The following LPP variants were observed in gnomAD, a reference collection of about 807,000 sequenced individuals.
LPP encodes the protein LIM domain containing preferred translocation partner in lipoma.
LPP carries 38 observed loss-of-function variants against 60.4 expected under a neutral mutation model. The ratio of observed to expected loss-of-function variants is 0.63; its 90% CI spans 0.49 to 0.83. The LOEUF (loss-of-function observed/expected upper bound fraction) is 0.83. LPP is among the 40% of genes least tolerant of loss of function. LPP has a pLI of 0.00. For missense variants in LPP, 902 were observed against 783.6 expected (o/e 1.15, Z -1.80); for synonymous variants, 328 against 290.8 (o/e 1.13, Z -1.30).
intron 6 of LPP, among the ~76,000 whole-genome samples, chr3:188,592,459 A>G (rs1458832388): frequency 6.6e-6 from 1 of 151,920 alleles, no homozygotes; most frequent in Non-Finnish European, 1.5e-5. Flanking sequence ...AGTTGTTATC[A>G]CTAAAGTTTT....
chr3:188,504,037 C>A (rs1040138267), intron 5 of LPP, among the ~76,000 whole-genome samples: 2 of 150,858 alleles, frequency 1.3e-5, no homozygotes, highest in Non-Finnish European at 3.0e-5. Context: ...CCTGCCTTTT[C>A]TCTCTGTCTC....
intron 3 of LPP, among the ~76,000 whole-genome samples, chr3:188,346,598 T>C (rs2150738355): frequency 6.6e-6 from 1 of 152,260 alleles, no homozygotes; most frequent in Middle Eastern, 3.4e-3. Flanking sequence ...TGTGTGTATG[T>C]GCGTGCACAC....
At chr3:188,197,288 A>G (rs149140421) in intron 1 of LPP, among the ~76,000 whole-genome samples, 1 of 152,234 alleles carries the variant, frequency 6.6e-6, no homozygotes, top group Non-Finnish European at 1.5e-5. Flanking sequence ...ACTGAAGGAT[A>G]TTGAATAGGC....
chr3:188,362,507 T>TACATCCCCTTC (rs1769763551), intron 3 of LPP, among the ~76,000 whole-genome samples: 2 of 152,214 alleles, frequency 1.3e-5, no homozygotes, highest in African/African-American at 4.8e-5. Context: ...TCTTGTTTCC[T>TACATCCCCTTC]GATACTTTTA....
At position 188,445,004 on chromosome 3, in the gene LPP, T is replaced by C. The variant is rs149189393; in HGVS notation, c.193+38691T>C. Among the ~76,000 whole-genome samples the C allele has an allele frequency of 2.4e-3, 360 of 152,248 alleles. 1 individual carries two copies. Among genetic ancestry groups the C allele is most frequent in the African/African-American group, 7.5e-3 (313 of 41,548 alleles). On this transcript the variant is annotated intron_variant, in intron 4 of 11. Coordinates refer to ENST00000617246, the MANE Select transcript of LPP (RefSeq NM_001375462.1). ...AGGAAACAACAGATGCTGGAGAGGATGTGGAGAAATAAGAATGCTTTTACA... is the reference window on the plus strand; with the variant it reads ...AGGAAACAACAGATGCTGGAGAGGACGTGGAGAAATAAGAATGCTTTTACA...
At chr3:188,375,311 A>T (rs528752295) in intron 3 of LPP, among the ~76,000 whole-genome samples, 7 of 152,318 alleles carry the variant, frequency 4.6e-5, no homozygotes, top group Non-Finnish European at 1.0e-4. Flanking sequence ...CCTCTGGTAG[A>T]ATTCGGCTGT....
chr3:188,717,578 A>G (rs549819925), intron 8 of LPP, among the ~76,000 whole-genome samples: 8 of 152,182 alleles, frequency 5.3e-5, no homozygotes, highest in African/African-American at 1.9e-4. Context: ...GGGGGGAAAA[A>G]TGGGTTTTTT....
intron 2 of LPP, among the ~76,000 whole-genome samples, chr3:188,317,796 A>G (rs1027760174): frequency 2.0e-5 from 3 of 150,636 alleles, no homozygotes; most frequent in Non-Finnish European, 3.0e-5. Flanking sequence ...TTGGGGGGAA[A>G]AATGAAGCTC....
Position 188,572,062 on chromosome 3 carries a change from C to A in LPP, c.430-37099C>A, listed in dbSNP as rs1833666518. On this transcript the variant is annotated intron_variant, in intron 6 of 11. Coordinates refer to ENST00000617246, the MANE Select transcript of LPP (RefSeq NM_001375462.1). The surrounding 1 kb of genome is among the most constrained non-coding windows in gnomAD (Gnocchi z 4.1). ...CTTTTTTATTAAGACTCTTGATGGC[C>A]CAGAGGTCAGTATAATGAGGAAAAC... 6.6e-6 allele frequency among the ~76,000 whole-genome samples: 1 copy of A among 151,760 alleles called. No individual in the cohort carries two copies. Among genetic ancestry groups the A allele is most frequent in the Admixed American group, 6.6e-5 (1 of 15,198 alleles).
chr3:188,563,198 T>C (rs907053395), intron 6 of LPP, among the ~76,000 whole-genome samples: 1 of 152,008 alleles, frequency 6.6e-6, no homozygotes, highest in African/African-American at 2.4e-5. Context: ...ATGTGTGCAG[T>C]ACATTGGACC....
rs571882615 is a variant in LPP, at chr3:188,238,067, C to T, written c.-67+12540C>T. ...TCTGGATAACTTGCTGCAGCTTCTC[C>T]ATCAGCACTTACTGCTTTTCCTTGC... On this transcript the variant is annotated intron_variant, in intron 2 of 11. Transcript: ENST00000617246. Among the ~76,000 whole-genome samples the T allele has an allele frequency of 7.2e-4, 109 of 152,338 alleles. 1 individual carries two copies. The highest frequency in any genetic ancestry group is 2.5e-3 in the Admixed American group (39 of 15,300).
chr3:188,359,179 C>T (rs971339696), intron 3 of LPP, among the ~76,000 whole-genome samples: 1 of 152,190 alleles, frequency 6.6e-6, no homozygotes, highest in Non-Finnish European at 1.5e-5. Context: ...CAGAGTAAAA[C>T]TTGCTCCATT....
intron 6 of LPP, among the ~76,000 whole-genome samples, chr3:188,550,355 G>C (rs538180916): frequency 6.6e-6 from 1 of 152,022 alleles, no homozygotes; most frequent in Non-Finnish European, 1.5e-5. Context: ...GAGGCGGGTG[G>C]ATCACAAGGT....
At chr3:188,244,163 G>A (rs1489525715) in intron 2 of LPP, among the ~76,000 whole-genome samples, 8 of 152,200 alleles carry the variant, frequency 5.3e-5, no homozygotes. Flanking sequence ...GAGCCACTGC[G>A]CCCAGCGCAC....
chr3:188,513,813 GC>G (rs1816535534), intron 5 of LPP, among the ~76,000 whole-genome samples: 1 of 152,030 alleles, frequency 6.6e-6, no homozygotes, highest in Admixed American at 6.6e-5. Flanking sequence ...CCATGACCCT[GC>G]CCTTACTTAT....
chr3:188,407,790 T>TTTTTTTTTTTTTTTTTTTTTTTTTTG (rs1560364521), intron 4 of LPP, among the ~76,000 whole-genome samples: 3 of 76,324 alleles, frequency 3.9e-5, no homozygotes, highest in African/African-American at 9.9e-5. Flanking sequence ...GTTTGTTTGT[T>TTTTTTTTTTTTTTTTTTTTTTTTTTG]TTTTTTTTTT....
At chr3:188,456,026 G>A (rs2149388429) in intron 4 of LPP, among the ~76,000 whole-genome samples, 1 of 152,290 alleles carries the variant, frequency 6.6e-6, no homozygotes, top group East Asian at 1.9e-4. Context: ...TCGAGTAGCT[G>A]GGACTATTGG....
At chr3:188,730,824 C>CT (rs34852597) in intron 8 of LPP, among the ~76,000 whole-genome samples, 4 of 152,202 alleles carry the variant, frequency 2.6e-5, no homozygotes, top group Admixed American at 2.6e-4. Context: ...ATCCCCCTTG[C>CT]TTTTTCTGAC....
intron 2 of LPP, among the ~76,000 whole-genome samples, chr3:188,265,055 T>C (rs73888094): frequency 0.027 from 4,059 of 152,164 alleles, 187 homozygotes; most frequent in African/African-American, 0.093. Flanking sequence ...ACTTTCTGAC[T>C]CAAAGCAGGA....
Sources: allele counts gnomAD v4.1 joint callset (sites outside exome capture counted in the v4.1 genomes callset), GRCh38; gene constraint gnomAD v4.1.1; non-coding constraint Gnocchi (gnomAD v3.1); transcripts MANE v1.5; gene names NCBI Gene and HGNC (gene_info 2026-07-23, HGNC 2026-07-21).